The following WWOX variants were observed in gnomAD, a reference collection of about 807,000 sequenced individuals.
WWOX encodes WW domain containing oxidoreductase.
In WWOX, 69 loss-of-function variants were observed where a neutral mutation model predicts 46.2. That is an observed-to-expected ratio of 1.49 (90% CI 1.23 to 1.82). The LOEUF is 1.82. Among genes scored for constraint, WWOX ranks in the 40% most tolerant of loss-of-function variants. The probability of loss-of-function intolerance (pLI) is 0.00; values close to 1 mark genes in which losing one functional copy is unlikely to be tolerated. For missense variants in WWOX, 919 were observed against 542.6 expected, an observed-to-expected ratio of 1.69 and a Z score of -6.89; for synonymous variants, 359 against 202.6, an observed-to-expected ratio of 1.77 and a Z score of -6.56.
At chr16:78,678,657 AG>A (rs1280539540) in intron 8 of WWOX, among the ~76,000 whole-genome samples, 1 of 152,186 alleles carries the variant, frequency 6.6e-6, no homozygotes, top group Non-Finnish European at 1.5e-5. Flanking sequence ...CTTGGAGGGT[AG>A]GGAAGTCTTG....
At chr16:78,994,382 C>T (rs990764377) in intron 8 of WWOX, 5 of 152,182 alleles carry the variant, frequency 3.3e-5, no homozygotes, top group African/African-American at 7.2e-5. Flanking sequence ...GGAGATAGGA[C>T]GACACTTTTG....
intron 8 of WWOX, among the ~76,000 whole-genome samples, chr16:78,979,452 C>T (rs986470119): frequency 1.3e-5 from 2 of 152,160 alleles, no homozygotes; most frequent in Admixed American, 6.5e-5. Flanking sequence ...GCTCCCCCAT[C>T]GAGGTGCTCA....
At chr16:78,292,267 G>A (rs1196510028) in intron 5 of WWOX, among the ~76,000 whole-genome samples, 2 of 152,136 alleles carry the variant, frequency 1.3e-5, no homozygotes, top group African/African-American at 2.4e-5. Context: ...CTAAGGCGTG[G>A]CCCATAGTAA....
intron 8 of WWOX, among the ~76,000 whole-genome samples, chr16:78,995,343 C>T (rs544738804): frequency 1.2e-4 from 19 of 152,124 alleles, no homozygotes; most frequent in Non-Finnish European, 2.8e-4. Context: ...GCCTACAGGT[C>T]ATCCCTGAGA....
intron 5 of WWOX, among the ~76,000 whole-genome samples, chr16:78,180,125 A>G (rs2035482053): frequency 6.6e-6 from 1 of 152,240 alleles, no homozygotes; most frequent in Non-Finnish European, 1.5e-5. Flanking sequence ...TTGTTGAAGA[A>G]AGAGTCCTTA....
At chr16:78,667,757 A>G (rs2047366949) in intron 8 of WWOX, among the ~76,000 whole-genome samples, 1 of 151,850 alleles carries the variant, frequency 6.6e-6, no homozygotes, top group South Asian at 2.1e-4. Context: ...TGTTCAAATG[A>G]ACTCATTTGA....
intron 8 of WWOX, among the ~76,000 whole-genome samples, chr16:78,613,835 G>A (rs997427640): frequency 2.0e-5 from 3 of 152,184 alleles, no homozygotes; most frequent in Non-Finnish European, 4.4e-5. Flanking sequence ...TTTAAGAAGA[G>A]AATACACTGC....
chr16:78,627,717 A>G (rs1208607685), intron 8 of WWOX, among the ~76,000 whole-genome samples: 2 of 152,250 alleles, frequency 1.3e-5, no homozygotes, highest in Non-Finnish European at 2.9e-5. Context: ...AAGACTCTGG[A>G]ACAACATGGA....
At chr16:78,717,136 G>C (rs977688506) in intron 8 of WWOX, among the ~76,000 whole-genome samples, 3 of 152,180 alleles carry the variant, frequency 2.0e-5, no homozygotes, top group East Asian at 1.9e-4. Context: ...TGAGAACAGA[G>C]GTGCTCTGTG....
intron 8 of WWOX, among the ~76,000 whole-genome samples, chr16:78,533,380 G>C (rs1259965813): frequency 6.6e-6 from 1 of 151,046 alleles, no homozygotes; most frequent in Non-Finnish European, 1.5e-5. Flanking sequence ...AATTGTCTTT[G>C]GCTGCACATA....
chr16:79,163,226 T>A (rs971079825), intron 8 of WWOX, among the ~76,000 whole-genome samples: 8 of 152,054 alleles, frequency 5.3e-5, no homozygotes, highest in African/African-American at 1.7e-4. Flanking sequence ...AAGTGAGGAA[T>A]AGGCTTAGTG....
At chr16:79,102,049 G>A (rs2049208885) in intron 8 of WWOX, among the ~76,000 whole-genome samples, 1 of 125,806 alleles carries the variant, frequency 7.9e-6, no homozygotes, top group Non-Finnish European at 1.7e-5. Context: ...TGGGGGGCAG[G>A]GAGTAGGGGG....
At chr16:78,659,039 C>T (rs886730954) in intron 8 of WWOX, among the ~76,000 whole-genome samples, 5 of 150,620 alleles carry the variant, frequency 3.3e-5, no homozygotes, top group African/African-American at 9.8e-5. Flanking sequence ...TTGCAGTGAG[C>T]CGAGATTGTG....
chr16:79,211,442 C>T (rs2051742943), intron 8 of WWOX, among the ~76,000 whole-genome samples, 166 bp from the exon 9 acceptor site: 1 of 152,184 alleles, frequency 6.6e-6, no homozygotes, highest in Admixed American at 6.5e-5. Flanking sequence ...TCACATTATA[C>T]TTTTTACAGT....
At chr16:78,424,006 G>T (rs1407400490) in intron 6 of WWOX, among the ~76,000 whole-genome samples, 1 of 151,672 alleles carries the variant, frequency 6.6e-6, no homozygotes, top group Non-Finnish European at 1.5e-5. Context: ...TACACAGAGC[G>T]ATTACCCCCT....
At chr16:78,309,507 T>C (rs2080198250) in intron 5 of WWOX, among the ~76,000 whole-genome samples, 1 of 152,206 alleles carries the variant, frequency 6.6e-6, no homozygotes, top group South Asian at 2.1e-4. Context: ...CCTTCCTTTA[T>C]GGACCAAACC....
At chr16:78,527,755 G>A (rs372151815) in intron 8 of WWOX, among the ~76,000 whole-genome samples, 8 of 78,000 alleles carry the variant, frequency 1.0e-4, no homozygotes, top group African/African-American at 2.6e-4. Flanking sequence ...GATATTGCCT[G>A]CCAGGGAATG....
chr16:79,016,999 C>T (rs576722958), intron 8 of WWOX: 7 of 152,184 alleles, frequency 4.6e-5, no homozygotes, highest in Admixed American at 3.3e-4. Context: ...TGCCCCTGCC[C>T]TAGATGGTAT....
At chr16:79,065,607 G>A (rs2048427199) in intron 8 of WWOX, among the ~76,000 whole-genome samples, 1 of 152,158 alleles carries the variant, frequency 6.6e-6, no homozygotes, top group Admixed American at 6.5e-5. Flanking sequence ...GAATAATTGG[G>A]GAAGTTCCAA....
Sources: gnomAD v4.1 joint callset for allele counts (sites outside exome capture counted in the v4.1 genomes callset) on GRCh38, gnomAD v4.1.1 for gene constraint, MANE v1.5 for transcripts, NCBI Gene and HGNC (gene_info 2026-07-23, HGNC 2026-07-21) for gene names.